The following CTNNA2 variants were observed in gnomAD, a reference collection of about 807,000 sequenced individuals.
CTNNA2 encodes the protein catenin alpha 2, also known as catenin alpha-2.
CTNNA2 carries 42 observed loss-of-function variants against 101.0 expected under a neutral mutation model. The observed-to-expected ratio is 0.42, with a 90% confidence interval of 0.32 to 0.54. The LOEUF is 0.54. Ranked by LOEUF, CTNNA2 falls within the 20% of genes least tolerant of loss-of-function variation. The probability of loss-of-function intolerance (pLI) is 0.14; values close to 1 mark genes in which losing one functional copy is unlikely to be tolerated. For synonymous variants in CTNNA2, 450 were observed against 456.4 expected (o/e 0.99, Z 0.18); for missense variants, 871 against 1,223.1 (o/e 0.71, Z 4.29).
intron 7 of CTNNA2, among the ~76,000 whole-genome samples, chr2:80,022,283 A>C (rs1244456684): frequency 6.6e-6 from 1 of 152,226 alleles, no homozygotes; most frequent in Non-Finnish European, 1.5e-5. Flanking sequence ...TAAAAGGCTG[A>C]GTAAAACAGA....
At chr2:80,022,046 A>G (rs558388803) in intron 7 of CTNNA2, among the ~76,000 whole-genome samples, 2 of 152,348 alleles carry the variant, frequency 1.3e-5, no homozygotes, top group East Asian at 1.9e-4. Flanking sequence ...CCAATATCCT[A>G]GATCTTGTGA....
At chr2:79,468,284 G>C (rs1050860173) in intron 4 of CTNNA2, among the ~76,000 whole-genome samples, 5 of 152,088 alleles carry the variant, frequency 3.3e-5, no homozygotes, top group African/African-American at 1.2e-4. Context: ...GACAAAGAAG[G>C]CCATTACAGA....
intron 2 of CTNNA2, among the ~76,000 whole-genome samples, chr2:79,263,746 C>T (rs2104290097): frequency 6.6e-6 from 1 of 152,232 alleles, no homozygotes; most frequent in South Asian, 2.1e-4. Flanking sequence ...TTCTTGCTAT[C>T]TCACCATGGA....
chr2:79,958,004 C>G (rs1689363801), intron 7 of CTNNA2, among the ~76,000 whole-genome samples: 1 of 152,158 alleles, frequency 6.6e-6, no homozygotes, highest in African/African-American at 2.4e-5. Context: ...GCTAATCAGT[C>G]AAAATTACTT....
chr2:80,483,417 ATTAT>A (rs530618545), intron 9 of CTNNA2, among the ~76,000 whole-genome samples: 1 of 150,282 alleles, frequency 6.7e-6, no homozygotes, highest in Non-Finnish European at 1.5e-5. Context: ...ATAAAAGTAG[ATTAT>A]TTATTGTGCA....
chr2:80,260,958 A>G (rs546523894), intron 7 of CTNNA2, among the ~76,000 whole-genome samples: 1 of 152,266 alleles, frequency 6.6e-6, no homozygotes, highest in Admixed American at 6.5e-5. Context: ...CCACATGTGG[A>G]AGGATAGACC....
intron 4 of CTNNA2, among the ~76,000 whole-genome samples, chr2:79,868,493 C>T (rs965876377): frequency 6.6e-5 from 10 of 152,226 alleles, no homozygotes; most frequent in African/African-American, 2.4e-4. Context: ...TTGCTCAGTG[C>T]ACTTGATAAG....
Position 79,440,736 on chromosome 2 carries a change from T to C in CTNNA2, c.-134-64318T>C, listed in dbSNP as rs148830434. On this transcript the variant is annotated intron_variant, in intron 4 of 21. Transcript: ENST00000466387. ...AGTCTGAAGAGTGAATGTGCTCCCCTGAATCTCTAATTTATTGCCAGAAAA... is the reference window on the plus strand; with the variant it reads ...AGTCTGAAGAGTGAATGTGCTCCCCCGAATCTCTAATTTATTGCCAGAAAA... Among the ~76,000 whole-genome samples, 193 of 152,220 alleles carry C rather than the reference T, an allele frequency of 1.3e-3. 1 individual carries two copies. Among genetic ancestry groups the C allele is most frequent in the African/African-American group, 4.5e-3 (187 of 41,536 alleles).
At chr2:80,615,572 C>T (rs1165785288) in intron 17 of CTNNA2, among the ~76,000 whole-genome samples, 1 of 151,346 alleles carries the variant, frequency 6.6e-6, no homozygotes, top group Non-Finnish European at 1.5e-5. Context: ...TCTCAGCTTA[C>T]TGAAATAGGG....
At chr2:79,992,158 C>T (rs1433967387) in intron 7 of CTNNA2, among the ~76,000 whole-genome samples, 1 of 151,970 alleles carries the variant, frequency 6.6e-6, no homozygotes, top group Admixed American at 6.6e-5. Flanking sequence ...TAAAGGCAAA[C>T]CTTGAAGGTG....
chr2:80,601,661 C>T (rs1293348676), intron 15 of CTNNA2: 1 of 151,334 alleles, frequency 6.6e-6, no homozygotes, highest in Admixed American at 6.6e-5. Flanking sequence ...ATATTTTTCT[C>T]CTATTATTTC....
chr2:79,481,769 A>AAAAT (rs920528744), intron 4 of CTNNA2, among the ~76,000 whole-genome samples: 2 of 152,178 alleles, frequency 1.3e-5, no homozygotes, highest in South Asian at 2.1e-4. Context: ...TAAAACTGTT[A>AAAAT]AAATAAATAA....
rs547342548 is a variant in CTNNA2 at position 79,705,580 on chromosome 2, A to G, written c.103-38807A>G. Among the ~76,000 whole-genome samples, 3 of 152,290 alleles carry G rather than the reference A, an allele frequency of 2.0e-5. No homozygotes were observed. The South Asian group carries it at 6.2e-4, about 32-fold the overall frequency. On this transcript the variant is annotated intron_variant, in intron 2 of 18. Coordinates refer to ENST00000402739, the MANE Select transcript of CTNNA2 (RefSeq NM_001282597.3). ...GACTGTACTGATTTCGCTGATAGGGAAACTAGACAATGAGGTGGAGAGATG... is the reference window on the plus strand; with the variant it reads ...GACTGTACTGATTTCGCTGATAGGGGAACTAGACAATGAGGTGGAGAGATG...
At chr2:79,480,723 A>G (rs564998277) in intron 4 of CTNNA2, among the ~76,000 whole-genome samples, 17 of 152,298 alleles carry the variant, frequency 1.1e-4, no homozygotes, top group African/African-American at 4.1e-4. Context: ...GTTTTATGCT[A>G]AACACTCTGG....
At chr2:79,241,477 A>G (rs184788625) in intron 2 of CTNNA2, among the ~76,000 whole-genome samples, 2 of 152,264 alleles carry the variant, frequency 1.3e-5, no homozygotes, top group Admixed American at 1.3e-4. Flanking sequence ...GATCTGAAAA[A>G]CAATTGATGA....
chr2:80,401,437 G>C (rs1678539216), intron 8 of CTNNA2, among the ~76,000 whole-genome samples: 1 of 152,156 alleles, frequency 6.6e-6, no homozygotes, highest in African/African-American at 2.4e-5. Context: ...TAATCCAGTA[G>C]TTTCCTGTTA....
At chr2:80,064,028 A>G (rs1004773135) in intron 7 of CTNNA2, among the ~76,000 whole-genome samples, 8 of 152,350 alleles carry the variant, frequency 5.3e-5, no homozygotes, top group African/African-American at 1.9e-4. Flanking sequence ...ACAAAAAGCA[A>G]TAATGAAAAG....
intron 3 of CTNNA2, among the ~76,000 whole-genome samples, chr2:79,809,898 T>A (rs954594608): frequency 6.6e-6 from 1 of 152,152 alleles, no homozygotes; most frequent in African/African-American, 2.4e-5. Flanking sequence ...GGTTTTCTTC[T>A]TGTGTTTTTA....
intron 3 of CTNNA2, among the ~76,000 whole-genome samples, chr2:79,759,877 A>T (rs1447563955): frequency 6.6e-6 from 1 of 152,198 alleles, no homozygotes; most frequent in Non-Finnish European, 1.5e-5. Flanking sequence ...GGGACTAAAA[A>T]TCCAGTTGCT....
Sources: gnomAD v4.1 joint callset for allele counts (sites outside exome capture counted in the v4.1 genomes callset) on GRCh38, gnomAD v4.1.1 for gene constraint, MANE v1.5 for transcripts, NCBI Gene and HGNC (gene_info 2026-07-23, HGNC 2026-07-21) for gene names.